The following DNAH5 variants were observed in gnomAD, a reference collection of about 807,000 sequenced individuals.
The protein encoded by DNAH5 is axonemal beta dynein heavy chain 5.
DNAH5 carries 372 observed loss-of-function variants against 518.2 expected under a neutral mutation model. The ratio of observed to expected loss-of-function variants is 0.72; its 90% CI spans 0.66 to 0.78. The LOEUF (loss-of-function observed/expected upper bound fraction) is 0.78, where lower values mean the gene tolerates loss of function less well. Among genes scored for constraint, DNAH5 ranks in the 30% least tolerant of loss-of-function variants. DNAH5 has a pLI of 0.00. For synonymous variants in DNAH5, 2,039 were observed against 2,025.9 expected (o/e 1.01, Z -0.17); for missense variants, 5,523 against 5,687.0 (o/e 0.97, Z 0.93).
intron 41 of DNAH5, among the ~76,000 whole-genome samples, chr5:13,818,492 T>A (rs894298904): frequency 1.3e-5 from 2 of 152,192 alleles, no homozygotes; most frequent in African/African-American, 2.4e-5. Flanking sequence ...CTTGCGTATA[T>A]CATGTTCTCT....
At chr5:13,813,928 A>C (rs1265931519) in intron 43 of DNAH5, among the ~76,000 whole-genome samples, 2 of 152,224 alleles carry the variant, frequency 1.3e-5, no homozygotes, top group Non-Finnish European at 2.9e-5. Context: ...AATATTCAAT[A>C]TAACCAACTA....
chr5:13,748,573 T>C (rs1749752682), intron 65 of DNAH5, among the ~76,000 whole-genome samples: 1 of 152,180 alleles, frequency 6.6e-6, no homozygotes. Context: ...GGTTTGTAGT[T>C]CTCCTTGAAG....
intron 55 of DNAH5, 106 bp downstream of exon 55, chr5:13,776,333 G>A: frequency 6.9e-7 from 1 of 1,456,666 alleles, no homozygotes; most frequent in Non-Finnish European, 9.6e-7. Context: ...ATGACATCCT[G>A]GAGCCTGCCT....
chr5:13,751,963 G>A (rs578055412), intron 64 of DNAH5, among the ~76,000 whole-genome samples, 171 bp downstream of exon 64: 1 of 152,240 alleles, frequency 6.6e-6, no homozygotes, highest in East Asian at 1.9e-4. Flanking sequence ...CTCCTAAAAG[G>A]CTTGCTCCTG....
At chr5:13,798,372 G>A (rs1253718430) in intron 47 of DNAH5, among the ~76,000 whole-genome samples, 1 of 152,046 alleles carries the variant, frequency 6.6e-6, no homozygotes, top group Non-Finnish European at 1.5e-5. Context: ...ACCAGAGTCT[G>A]GCACTGCAAA....
At chr5:13,866,026 TAGGAATACTA>T in intron 26 of DNAH5, 120 bp from the exon 27 acceptor site, 3 of 883,828 alleles carry the variant, frequency 3.4e-6, no homozygotes, top group Non-Finnish European at 5.5e-6. Flanking sequence ...CACATGTAAA[TAGGAATACTA>T]AGTTGGCATA....
At chr5:13,927,965 C>A in intron 3 of DNAH5, 129 bp downstream of exon 3, 1 of 725,112 alleles carries the variant, frequency 1.4e-6, no homozygotes, top group Non-Finnish European at 2.5e-6. Flanking sequence ...CCACATGGAC[C>A]CACACACGCA....
Position 13,901,025 on chromosome 5 carries a change from C to T in DNAH5, c.2052+227G>A, listed in dbSNP as rs530681872. 2.0e-5 allele frequency among the ~76,000 whole-genome samples: 3 copies of T among 152,244 alleles called. No individual in the cohort carries two copies. In the East Asian group the frequency reaches 5.8e-4, roughly 29 times the overall value. On this transcript the variant is annotated intron_variant, in intron 14 of 78. Transcript: ENST00000265104. ...AACAAGATCTTCTCACTTTGGAGTT[C>T]GTAAATTAAATAAAAATGGGGTTCT...
intron 55 of DNAH5, among the ~76,000 whole-genome samples, chr5:13,771,465 CT>C (rs1267983205): frequency 1.9e-4 from 29 of 152,288 alleles, no homozygotes; most frequent in Middle Eastern, 3.4e-3. Context: ...CTGGAGTCAT[CT>C]TGTTCTTAAA....
In DNAH5 at chr5:13,809,107, C is replaced by T; in HGVS notation, c.7689G>A (p.Leu2563=). The stretch of plus-strand genomic sequence containing the variant: ...TCCTCACATTGTCAACATTTGGCAC[C>T]AGAATAGAACCATACTCTGGGGTGG... The part of the protein sequence containing the change: ...SDTTPEYGSI[L]VPNVDNVRTD... The change falls in exon 46 of 79, where the codon CTG becomes CTA. Residue 2563 remains leucine, a synonymous_variant. Transcript: ENST00000265104. 1 of 1,614,194 alleles carries T rather than the reference C, an allele frequency of 6.2e-7. No individual in the cohort carries two copies. Among genetic ancestry groups the T allele is most frequent in the South Asian group, 1.1e-5 (1 of 91,082 alleles).
intron 47 of DNAH5, among the ~76,000 whole-genome samples, chr5:13,804,729 A>C (rs116466195): frequency 3.9e-5 from 6 of 152,358 alleles, no homozygotes; most frequent in Admixed American, 3.9e-4. Flanking sequence ...GGCTAAAGCC[A>C]TGTGTATCAG....
intron 1 of DNAH5, among the ~76,000 whole-genome samples, chr5:13,976,215 C>T (rs972071922): frequency 1.1e-4 from 17 of 152,128 alleles, no homozygotes; most frequent in Non-Finnish European, 8.8e-5. Flanking sequence ...GCCATATGGG[C>T]TTTTTATTAT....
intron 1 of DNAH5, among the ~76,000 whole-genome samples, chr5:13,959,571 CAAGGCAGAGAA>C (rs1781012194): frequency 6.6e-6 from 1 of 152,176 alleles, no homozygotes; most frequent in African/African-American, 2.4e-5. Context: ...TTGGGGCCAC[CAAGGCAGAGAA>C]AAGGTGGGAC....
intron 7 of DNAH5, among the ~76,000 whole-genome samples, chr5:13,918,276 A>G (rs2151988673): frequency 6.6e-6 from 1 of 152,280 alleles, no homozygotes; most frequent in Non-Finnish European, 1.5e-5. Flanking sequence ...GCCTCTAGCC[A>G]ACAGCCAGCA....
chr5:13,719,954 G>T (rs1744821530), intron 71 of DNAH5, among the ~76,000 whole-genome samples: 1 of 151,994 alleles, frequency 6.6e-6, no homozygotes, highest in African/African-American at 2.4e-5. Flanking sequence ...CAAAATTGGG[G>T]GTCATGTAAC....
At chr5:13,698,917 T>G (rs1741716090) in intron 78 of DNAH5, among the ~76,000 whole-genome samples, 1 of 152,192 alleles carries the variant, frequency 6.6e-6, no homozygotes, top group Non-Finnish European at 1.5e-5. Context: ...CAGAGAAATT[T>G]TAGCAGGTAG....
intron 31 of DNAH5, among the ~76,000 whole-genome samples, chr5:13,850,116 A>G (rs752747232): frequency 3.9e-5 from 6 of 152,202 alleles, no homozygotes; most frequent in Admixed American, 6.5e-5. Context: ...TACACTTAGC[A>G]TATTACTATG....
chr5:13,773,450 TC>T (rs1412505264), intron 55 of DNAH5, among the ~76,000 whole-genome samples: 3 of 152,094 alleles, frequency 2.0e-5, no homozygotes, highest in Non-Finnish European at 4.4e-5. Context: ...TAAAGCATGT[TC>T]AGAGGGAAAA....
rs1404707187 is a variant in DNAH5, at chr5:13,830,784, G to A, written c.5883-9C>T. 1 of 1,613,884 alleles carries A rather than the reference G, an allele frequency of 6.2e-7. No individual in the cohort carries two copies. Among genetic ancestry groups the A allele is most frequent in the East Asian group, 2.2e-5 (1 of 44,876 alleles). On this transcript the variant is annotated splice_polypyrimidine_tract_variant and intron_variant, in intron 35 of 78. Transcript: ENST00000265104. ...CCAGCGTGATGTAACATCTGCATGG[G>A]TAGAAACATCACTAGAACCAGCCCT...
Sources: gnomAD v4.1 joint callset for allele counts (sites outside exome capture counted in the v4.1 genomes callset) on GRCh38, gnomAD v4.1.1 for gene constraint, MANE v1.5 for transcripts, NCBI Gene and HGNC (gene_info 2026-07-23, HGNC 2026-07-21) for gene names.